KLRG1: variants seen among roughly 807,000 people sequenced by gnomAD.
KLRG1 encodes killer cell lectin-like receptor subfamily G member 1.
KLRG1 carries 16 observed loss-of-function variants against 21.8 expected under a neutral mutation model. That is an observed-to-expected ratio of 0.73 (90% CI 0.50 to 1.11). The LOEUF (loss-of-function observed/expected upper bound fraction) is 1.11. KLRG1 is among the 50% of genes most tolerant of loss of function. KLRG1 has a pLI of 0.00. For missense variants in KLRG1, 173 were observed against 218.3 expected, an observed-to-expected ratio of 0.79 and a Z score of 1.31; for synonymous variants, 69 against 75.9, an observed-to-expected ratio of 0.91 and a Z score of 0.47.
chr12:9,123,457 G>A, the KLRG1 span, among the ~76,000 whole-genome samples: 21 of 151,908 alleles, frequency 1.4e-4, no homozygotes, highest in African/African-American at 3.9e-4. Context: ...AAGTGACTGG[G>A]GTGGGGGTTA....
At chr12:9,196,324 T>A in the KLRG1 span, 17 of 1,588,720 alleles carry the variant, frequency 1.1e-5, no homozygotes, top group Non-Finnish European at 1.5e-5. Context: ...TTACAACATA[T>A]CTTACCTGTG....
the KLRG1 span, among the ~76,000 whole-genome samples, chr12:9,127,102 TC>T: frequency 6.6e-6 from 1 of 152,320 alleles, no homozygotes; most frequent in African/African-American, 2.4e-5. Flanking sequence ...AGCACCTCAT[TC>T]TTCTCTTCTC....
At chr12:8,970,106 AC>A (rs1182028760) in intron 1 of KLRG1, among the ~76,000 whole-genome samples, 1 of 152,176 alleles carries the variant, frequency 6.6e-6, no homozygotes, top group Non-Finnish European at 1.5e-5. Context: ...ACAGAGGGAG[AC>A]CTTGTCTCAA....
chr12:9,069,826 G>T, the KLRG1 span: 15 of 1,612,376 alleles, frequency 9.3e-6, no homozygotes, highest in African/African-American at 5.3e-5. Context: ...GAAGAAAATT[G>T]AAATACCACA....
At chr12:9,150,385 C>T in the KLRG1 span, among the ~76,000 whole-genome samples, 28 of 152,266 alleles carry the variant, frequency 1.8e-4, 1 homozygote, top group East Asian at 3.9e-3. Context: ...CAGGCTTACA[C>T]GATTCTCCTG....
chr12:9,062,095 T>TA, the KLRG1 span, among the ~76,000 whole-genome samples: 3 of 149,786 alleles, frequency 2.0e-5, no homozygotes, highest in Non-Finnish European at 3.0e-5. Flanking sequence ...ATATATTGTA[T>TA]AAAAAATCAC....
At chr12:8,981,621 A>G (rs905228552) in intron 1 of KLRG1, among the ~76,000 whole-genome samples, 6 of 152,206 alleles carry the variant, frequency 3.9e-5, no homozygotes, top group African/African-American at 1.4e-4. Context: ...TAAGATTTTA[A>G]TATTTTGTAA....
chr12:9,024,305 G>A, the KLRG1 span, among the ~76,000 whole-genome samples: 1 of 151,982 alleles, frequency 6.6e-6, no homozygotes, highest in Non-Finnish European at 1.5e-5. Context: ...GGGATTACAG[G>A]TGTGAGCCAC....
chr12:9,095,289 A>G, the KLRG1 span, among the ~76,000 whole-genome samples: 1 of 152,206 alleles, frequency 6.6e-6, no homozygotes, highest in African/African-American at 2.4e-5. Context: ...TATTTTGTAT[A>G]TGTGATTTTA....
the KLRG1 span, chr12:9,095,523 A>C: frequency 6.9e-6 from 11 of 1,604,976 alleles, no homozygotes; most frequent in Non-Finnish European, 9.4e-6. Flanking sequence ...GACCATCTGC[A>C]ACATAAGGAG....
chr12:9,068,636 T>C, the KLRG1 span: 1 of 918,026 alleles, frequency 1.1e-6, no homozygotes, highest in Non-Finnish European at 1.7e-6. Context: ...AATGAAGTGA[T>C]AATGTAATTA....
the KLRG1 span, among the ~76,000 whole-genome samples, chr12:9,143,581 A>C: frequency 2.0e-5 from 3 of 152,112 alleles, no homozygotes; most frequent in Non-Finnish European, 4.4e-5. Context: ...GAGGGTCAGG[A>C]TCTTAGGTAG....
the KLRG1 span, chr12:9,098,723 G>C: frequency 1.2e-5 from 19 of 1,612,888 alleles, no homozygotes; most frequent in East Asian, 2.0e-4. Context: ...TGTGAGGCTG[G>C]GAGACTTTGT....
At chr12:9,099,356 A>G in the KLRG1 span, 2 of 1,548,656 alleles carry the variant, frequency 1.3e-6, no homozygotes, top group Admixed American at 3.9e-5. Flanking sequence ...TACATGTTGA[A>G]GATTTTATGA....
intron 1 of KLRG1, among the ~76,000 whole-genome samples, chr12:8,969,203 G>A (rs768975198): frequency 6.6e-6 from 1 of 152,302 alleles, no homozygotes; most frequent in Admixed American, 6.5e-5. Flanking sequence ...AGTCTGCTGT[G>A]CCTCCCTGCC....
At chr12:9,106,581 G>A in the KLRG1 span, 1 of 1,582,744 alleles carries the variant, frequency 6.3e-7, no homozygotes, top group Non-Finnish European at 8.6e-7. Context: ...TTTACTTGCT[G>A]ATAGAAGCAG....
the KLRG1 span, among the ~76,000 whole-genome samples, chr12:9,097,134 T>G: frequency 1.3e-5 from 2 of 152,186 alleles, no homozygotes; most frequent in Non-Finnish European, 2.9e-5. Context: ...AATTATAAAA[T>G]TATATTATAA....
chr12:8,987,958 A>G (rs983112579), upstream of KLRG1, among the ~76,000 whole-genome samples: 1 of 152,108 alleles, frequency 6.6e-6, no homozygotes, highest in Admixed American at 6.6e-5. Context: ...CTTTTTGGCA[A>G]TGTTAAGTTT....
chr12:9,109,067 T>C, the KLRG1 span, among the ~76,000 whole-genome samples: 1 of 152,172 alleles, frequency 6.6e-6, no homozygotes, highest in Admixed American at 6.5e-5. Flanking sequence ...TTTGTCACTT[T>C]CAGAATCAAT....
Sources: allele counts gnomAD v4.1 joint callset (sites outside exome capture counted in the v4.1 genomes callset), GRCh38; gene constraint gnomAD v4.1.1; transcripts MANE v1.5; gene names NCBI Gene and HGNC (gene_info 2026-07-23, HGNC 2026-07-21).